The following DENND2A variants were observed in gnomAD, a reference collection of about 807,000 sequenced individuals.
DENND2A encodes the protein DENN domain-containing protein 2A.
DENND2A carries 53 observed loss-of-function variants against 105.3 expected under a neutral mutation model. The ratio of observed to expected loss-of-function variants is 0.50; its 90% CI spans 0.40 to 0.63. The LOEUF (loss-of-function observed/expected upper bound fraction) is 0.63, where lower values mean the gene tolerates loss of function less well. Ranked by LOEUF, DENND2A falls within the 30% of genes least tolerant of loss-of-function variation. DENND2A has a pLI of 0.00. For synonymous variants in DENND2A, 522 were observed against 508.4 expected (o/e 1.03, Z -0.36); for missense variants, 1,138 against 1,279.6 (o/e 0.89, Z 1.69).
In DENND2A at chr7:140,553,335, G is replaced by A. The variant is rs142996758; in HGVS notation, c.2037+2301C>T. On this transcript the variant is annotated intron_variant, in intron 12 of 19. Transcript: ENST00000496613. ...CATAAACATCTCAATGCTTTACAAA[G>A]CAGTATTGCATGTTCCACCTCCAGC... 5.9e-3 allele frequency among the ~76,000 whole-genome samples: 904 copies of A among 152,322 alleles called. 4 individuals are homozygous for A. Among genetic ancestry groups the A allele is most frequent in the Middle Eastern group, 0.034 (10 of 294 alleles).
At chr7:140,555,610 T>C in intron 12 of DENND2A, 26 bp downstream of exon 12, 1 of 1,609,890 alleles carries the variant, frequency 6.2e-7, no homozygotes. Context: ...CTTCCCTTCC[T>C]CTTTCTCTGA....
chr7:140,640,236 C>T lies in DENND2A; in HGVS notation c.-248+268G>A, dbSNP rs1204597060. ...ACCCAGCACGGCGCAGGGCGGGGGTCTACCGGCTTTCTGCAGGTCCCCGAG... is the reference window on the plus strand; with the variant it reads ...ACCCAGCACGGCGCAGGGCGGGGGTTTACCGGCTTTCTGCAGGTCCCCGAG... On this transcript the variant is annotated intron_variant, in intron 1 of 19. Transcript: ENST00000496613. This position sits in a 1 kb window ranked among gnomAD's most constrained non-coding sequence, Gnocchi z 4.9. The T allele has an allele frequency of 2.6e-5, 4 of 152,316 alleles. No homozygotes were observed. Among genetic ancestry groups the T allele is most frequent in the African/African-American group, 7.2e-5 (3 of 41,468 alleles). 9.4% of individuals were successfully genotyped at this position (152,316 alleles called of 1,614,324 possible).
intron 12 of DENND2A, among the ~76,000 whole-genome samples, chr7:140,549,163 T>C (rs1585603722): frequency 6.6e-6 from 1 of 151,434 alleles, no homozygotes; most frequent in Non-Finnish European, 1.5e-5. Context: ...TAGGCAGAGG[T>C]TGTGGTGGGC....
At chr7:140,553,449 C>T (rs886839322) in intron 12 of DENND2A, among the ~76,000 whole-genome samples, 2 of 152,144 alleles carry the variant, frequency 1.3e-5, no homozygotes, top group Non-Finnish European at 2.9e-5. Flanking sequence ...CGGCAGGAGA[C>T]AGATGCATTC....
intron 3 of DENND2A, among the ~76,000 whole-genome samples, chr7:140,597,492 T>A (rs573202854): frequency 1.3e-5 from 2 of 152,300 alleles, no homozygotes; most frequent in South Asian, 2.1e-4. Context: ...TGTACTATTT[T>A]AAACAAAATG....
intron 14 of DENND2A, among the ~76,000 whole-genome samples, chr7:140,541,632 C>T (rs1796662953): frequency 6.6e-6 from 1 of 152,246 alleles, no homozygotes; most frequent in Admixed American, 6.5e-5. Flanking sequence ...CTCATCCTGG[C>T]TTCCAGGGCT....
At chr7:140,634,777 CAGG>C (rs1441245944) in intron 1 of DENND2A, among the ~76,000 whole-genome samples, 1 of 152,028 alleles carries the variant, frequency 6.6e-6, no homozygotes, top group Non-Finnish European at 1.5e-5. Context: ...GAGGCTGAGG[CAGG>C]AGAATTGCTT....
At chr7:140,553,994 G>T (rs113251445) in intron 12 of DENND2A, among the ~76,000 whole-genome samples, 1,616 of 152,276 alleles carry the variant, frequency 0.011, 41 homozygotes, top group African/African-American at 0.037. Context: ...TAGGGAGGCC[G>T]AGGTGGGCGG....
At chr7:140,546,965 G>T in intron 12 of DENND2A, 26 bp from the exon 13 acceptor site, 1 of 1,602,228 alleles carries the variant, frequency 6.2e-7, no homozygotes, top group Non-Finnish European at 8.5e-7. Flanking sequence ...AAGCAGCTTA[G>T]CTATTCCGAA....
Position 140,626,161 on chromosome 7 carries a change from T to C in DENND2A, c.-248+14343A>G, listed in dbSNP as rs188959417. Among the ~76,000 whole-genome samples, 49 of 152,330 alleles carry C rather than the reference T, an allele frequency of 3.2e-4. 1 individual carries two copies. The highest frequency in any genetic ancestry group is 2.0e-3 in the Admixed American group (31 of 15,300). ...CCACCTTGACGGCACCGTACGGGCC[T>C]TCCACTCCTCAATCCAGATTAGGAA... On this transcript the variant is annotated intron_variant, in intron 1 of 19. Transcript: ENST00000496613.
At chr7:140,590,259 G>A (rs1798959710) in intron 3 of DENND2A, among the ~76,000 whole-genome samples, 2 of 151,890 alleles carry the variant, frequency 1.3e-5, no homozygotes, top group African/African-American at 2.4e-5. Context: ...GCATGGTGGT[G>A]TGCACCTGTA....
rs144605900 is a variant in DENND2A, at chr7:140,570,356, T to C, written c.1447-618A>G. Among the ~76,000 whole-genome samples the C allele has an allele frequency of 1.3e-3, 192 of 152,248 alleles. No individual in the cohort carries two copies. In the East Asian group the frequency reaches 0.019, roughly 15 times the overall value. ...CTCATGATGCGATGGCTGCTTTCCC[T>C]CTGAGGCCTCGATGTCACTGCGGCT... On this transcript the variant is annotated intron_variant, in intron 6 of 19. Coordinates refer to ENST00000496613, the MANE Select transcript of DENND2A (RefSeq NM_015689.5).
chr7:140,580,013 A>G lies in DENND2A; in HGVS notation c.1245+5576T>C, dbSNP rs12334204. 1.0e-3 allele frequency among the ~76,000 whole-genome samples: 153 copies of G among 152,242 alleles called. 1 individual carries two copies. The highest frequency in any genetic ancestry group is 3.4e-3 in the African/African-American group (142 of 41,558). Reference sequence around the variant, plus strand: ...GCTGGGCATGGTGGTGGACGCCCATAGTCCCAGCTACTTGGGAAACTGAGA... The same window carrying G: ...GCTGGGCATGGTGGTGGACGCCCATGGTCCCAGCTACTTGGGAAACTGAGA... On this transcript the variant is annotated intron_variant, in intron 5 of 19. Transcript: ENST00000496613.
chr7:140,521,998 C>T lies in DENND2A; in HGVS notation c.2768G>A (p.Arg923His), dbSNP rs751559195. Residue 923 changes from arginine (R) to histidine (H), a missense_variant, in exon 18 of 20, where the codon CGT becomes CAT. This residue lies in a region of DENND2A where 627 missense variants were observed against 779.8 expected (regional missense o/e 0.80). Coordinates refer to ENST00000496613, the MANE Select transcript of DENND2A (RefSeq NM_015689.5). Reference sequence around the variant, plus strand: ...CTCCCGCTGCAGGGTTCTCTCCTCACGCTCGCCCGACGTCAGGAACAAAGA... The same window carrying T: ...CTCCCGCTGCAGGGTTCTCTCCTCATGCTCGCCCGACGTCAGGAACAAAGA... ...HYSLFLTSGE[R>H]EERTLQREAF... The T allele has an allele frequency of 3.7e-6, 6 of 1,614,182 alleles. No individual in the cohort carries two copies. The highest frequency in any genetic ancestry group is 1.1e-5 in the South Asian group (1 of 91,088).
chr7:140,573,551 T>G (rs936871221), intron 6 of DENND2A, among the ~76,000 whole-genome samples: 53 of 152,080 alleles, frequency 3.5e-4, no homozygotes, highest in Admixed American at 2.0e-4. Context: ...GGATAGGCAT[T>G]AAAACCTTGT....
Position 140,567,223 on chromosome 7 carries a change from G to A in DENND2A, c.1642C>T (p.Arg548Trp). 10 of 1,613,348 alleles carry A rather than the reference G, an allele frequency of 6.2e-6. No individual in the cohort carries two copies. The highest frequency in any genetic ancestry group is 2.2e-5 in the South Asian group (2 of 90,874). Residue 548 changes from arginine to tryptophan, a missense_variant, in exon 9 of 20, where the codon CGG (arginine) becomes TGG (tryptophan). Arg to Trp is a moderately radical substitution (Grantham distance 101, BLOSUM62 -3). Around this residue, in one of 2 missense-constraint regions of DENND2A, gnomAD observed 627 missense variants for 779.8 expected, o/e 0.80. Transcript: ENST00000496613. ...AGTTCCCGGGCAAGTGATGGGTACC[G>A]AGGCGCCTGCTTCAGCCGGGACTTC... ...NVKSRLKQAP[R>W]YPSLARELIE...
At chr7:140,585,451 C>T (rs1241304098) in intron 5 of DENND2A, 138 bp downstream of exon 5, 8 of 1,188,562 alleles carry the variant, frequency 6.7e-6, no homozygotes, top group Non-Finnish European at 9.6e-6. Context: ...GACCAGTCAG[C>T]CAGCGTTGTA....
At chr7:140,537,450 T>C (rs1796490601) in intron 14 of DENND2A, among the ~76,000 whole-genome samples, 1 of 152,206 alleles carries the variant, frequency 6.6e-6, no homozygotes, top group Non-Finnish European at 1.5e-5. Context: ...TTATTTGTTT[T>C]ATTTTTTAAT....
chr7:140,543,874 G>A (rs1163710198), intron 14 of DENND2A: 1 of 152,900 alleles, frequency 6.5e-6, no homozygotes, highest in Non-Finnish European at 1.5e-5. Context: ...TTACAAGTGT[G>A]AGCCACTGCG....
Sources: allele counts gnomAD v4.1 joint callset (sites outside exome capture counted in the v4.1 genomes callset), GRCh38; gene constraint gnomAD v4.1.1; regional missense constraint gnomAD v4.1.1; non-coding constraint Gnocchi (gnomAD v3.1); transcripts MANE v1.5; gene names NCBI Gene and HGNC (gene_info 2026-07-23, HGNC 2026-07-21).